The following ADAMTS18 variants were observed in gnomAD, a reference collection of about 807,000 sequenced individuals.
The protein encoded by ADAMTS18 is A disintegrin and metalloproteinase with thrombospondin motifs 18.
In ADAMTS18, 157 loss-of-function variants were observed where a neutral mutation model predicts 165.9. The observed-to-expected ratio is 0.95, with a 90% CI of 0.83 to 1.08. The LOEUF is 1.08. Ranked by LOEUF, ADAMTS18 falls within the 50% of genes least tolerant of loss-of-function variation. The pLI, the probability that ADAMTS18 is intolerant of heterozygous loss-of-function variation, is 0.00. For synonymous variants in ADAMTS18, 782 were observed against 578.2 expected (o/e 1.35, Z -5.06); for missense variants, 2,040 against 1,534.0 (o/e 1.33, Z -5.51).
chr16:77,416,017 GGAAGGCA>G (rs1260521748), intron 3 of ADAMTS18, among the ~76,000 whole-genome samples: 1 of 152,124 alleles, frequency 6.6e-6, no homozygotes, highest in Non-Finnish European at 1.5e-5. Flanking sequence ...TATTCAAGGT[GGAAGGCA>G]GAATATGCTA....
rs753006224 is a variant in ADAMTS18 at position 77,434,467 on chromosome 16, G to A, written c.129C>T (p.Ala43=). The change falls in exon 2 of 23, where the codon GCC becomes GCT. Residue 43 remains alanine, a synonymous_variant. Coordinates refer to ENST00000282849, the MANE Select transcript of ADAMTS18 (RefSeq NM_199355.4). ...TGCTGCTGTCACTGGCTAAGGCCGC[G>A]GCGACCGACGCACAGCAGAGGCAGC... ...QLCCLCCASV[A]AALASDSSSG... is the part of the protein sequence containing the mutation. 29 of 1,570,692 alleles carry A rather than the reference G, an allele frequency of 1.8e-5. No homozygotes were observed. The highest frequency in any genetic ancestry group is 2.3e-5 in the Non-Finnish European group (27 of 1,163,568).
intron 12 of ADAMTS18, among the ~76,000 whole-genome samples, chr16:77,334,643 T>C (rs1401185219): frequency 1.1e-3 from 123 of 113,584 alleles, no homozygotes; most frequent in African/African-American, 3.6e-3. Flanking sequence ...GTATATAGTG[T>C]ATATACACTA....
chr16:77,327,854 T>C lies in ADAMTS18; in HGVS notation c.1860-1816A>G, dbSNP rs190322692. Among the ~76,000 whole-genome samples the C allele has an allele frequency of 8.9e-4, 135 of 152,270 alleles. 1 individual carries two copies. Among genetic ancestry groups the C allele is most frequent in the African/African-American group, 2.2e-3 (90 of 41,550 alleles). On this transcript the variant is annotated intron_variant, in intron 12 of 22. Coordinates refer to ENST00000282849, the MANE Select transcript of ADAMTS18 (RefSeq NM_199355.4). Reference sequence around the variant, plus strand: ...CACACTTTGCCATGCACCTATTACATAGAACGTCAGCACACTGGGGAGAAG... The same window carrying C: ...CACACTTTGCCATGCACCTATTACACAGAACGTCAGCACACTGGGGAGAAG...
At chr16:77,313,665 G>C (rs747867976) in intron 16 of ADAMTS18, among the ~76,000 whole-genome samples, 3 of 152,140 alleles carry the variant, frequency 2.0e-5, no homozygotes, top group East Asian at 1.9e-4. Flanking sequence ...ACACGGCTGA[G>C]ACTGTCAGAT....
At chr16:77,362,012 T>C in intron 7 of ADAMTS18, 93 bp downstream of exon 7, 2 of 1,367,972 alleles carry the variant, frequency 1.5e-6, no homozygotes, top group Non-Finnish European at 2.1e-6. Flanking sequence ...GTCTGTTTAT[T>C]AAGGAACATA....
At chr16:77,403,748 G>C (rs138317290) in intron 3 of ADAMTS18, among the ~76,000 whole-genome samples, 5 of 152,242 alleles carry the variant, frequency 3.3e-5, no homozygotes, top group African/African-American at 1.2e-4. Context: ...GAGATGCTGG[G>C]AAAAATCAGA....
chr16:77,406,792 A>G (rs938889332), intron 3 of ADAMTS18, among the ~76,000 whole-genome samples: 5 of 152,028 alleles, frequency 3.3e-5, no homozygotes, highest in Non-Finnish European at 5.9e-5. Context: ...TTTTTTTTGC[A>G]GCAACATGAA....
At chr16:77,333,307 T>C (rs1339085249) in intron 12 of ADAMTS18, among the ~76,000 whole-genome samples, 1 of 151,940 alleles carries the variant, frequency 6.6e-6, no homozygotes, top group African/African-American at 2.4e-5. Context: ...GCCTGTCGCA[T>C]GGTGGGGAGC....
chr16:77,431,700 G>T, intron 2 of ADAMTS18, 89 bp from the exon 3 acceptor site: 1 of 1,346,160 alleles, frequency 7.4e-7, no homozygotes, highest in Non-Finnish European at 1.1e-6. Flanking sequence ...GCAACACAAA[G>T]CTCAAAGATA....
chr16:77,336,347 C>G (rs887834478), intron 11 of ADAMTS18, among the ~76,000 whole-genome samples: 1 of 152,156 alleles, frequency 6.6e-6, no homozygotes, highest in South Asian at 2.1e-4. Context: ...ATTGGGATCA[C>G]TCATTCATGA....
intron 3 of ADAMTS18, among the ~76,000 whole-genome samples, chr16:77,423,595 T>C (rs2057632238): frequency 6.6e-6 from 1 of 152,154 alleles, no homozygotes; most frequent in Non-Finnish European, 1.5e-5. Context: ...TAAAGAGTTT[T>C]CCCTGTGTTA....
At position 77,361,890 on chromosome 16, in the gene ADAMTS18, A is replaced by T. The variant is rs578030286; in HGVS notation, c.1216+215T>A. On this transcript the variant is annotated intron_variant, in intron 7 of 22. Coordinates refer to ENST00000282849, the MANE Select transcript of ADAMTS18 (RefSeq NM_199355.4). ...CAAGAGTGAAACTCCATCTCAAATTAAAAAAAATACAAAATGAATAAACTA... is the reference window on the plus strand; with the variant it reads ...CAAGAGTGAAACTCCATCTCAAATTTAAAAAAATACAAAATGAATAAACTA... Among the ~76,000 whole-genome samples, 24 of 33,714 alleles carry T rather than the reference A, an allele frequency of 7.1e-4. No homozygotes were observed. The South Asian group carries it at 0.015, about 21-fold the overall frequency. The allele number at this position is 33,714 out of a possible 152,430, so 22.1% of individuals were successfully genotyped here. A position where few individuals can be genotyped will look rare whatever the true frequency, so the allele number is the denominator to read the frequency against.
intron 13 of ADAMTS18, among the ~76,000 whole-genome samples, chr16:77,322,789 C>A (rs2056027091): frequency 6.6e-6 from 1 of 152,152 alleles, no homozygotes; most frequent in African/African-American, 2.4e-5. Context: ...GCCTGATGGT[C>A]AGCCACTGAC....
intron 3 of ADAMTS18, among the ~76,000 whole-genome samples, chr16:77,375,499 G>A (rs927225853): frequency 1.3e-5 from 2 of 152,190 alleles, no homozygotes; most frequent in African/African-American, 4.8e-5. Context: ...ACTTTTCTGA[G>A]GAGGCATTTC....
At position 77,289,305 on chromosome 16, in the gene ADAMTS18, C is replaced by G. The variant is rs775981977; in HGVS notation, c.3509G>C (p.Arg1170Pro). Residue 1170 changes from arginine to proline, a missense_variant, in exon 22 of 23, where the codon CGA (arginine) becomes CCA (proline). Arg to Pro is a moderately radical substitution (Grantham distance 103). Coordinates refer to ENST00000282849, the MANE Select transcript of ADAMTS18 (RefSeq NM_199355.4). Reference sequence around the variant, plus strand: ...TGGACAGAAGTTTGTATTACAGGCTCGTAGCACCGGAGGTTTCTGATGGAG... The same window carrying G: ...TGGACAGAAGTTTGTATTACAGGCTGGTAGCACCGGAGGTTTCTGATGGAG... ...CLLHQKPPVLRACNTNFCPAP... is the reference protein window; with the variant it reads ...CLLHQKPPVLPACNTNFCPAP... 2 of 1,614,122 alleles carry G rather than the reference C, an allele frequency of 1.2e-6. No individual in the cohort carries two copies. The highest frequency in any genetic ancestry group is 1.7e-6 in the Non-Finnish European group (2 of 1,180,004).
At chr16:77,431,795 G>A (rs962016469) in intron 2 of ADAMTS18, 184 bp from the exon 3 acceptor site, 17 of 658,454 alleles carry the variant, frequency 2.6e-5, no homozygotes, top group Middle Eastern at 4.1e-4. Flanking sequence ...CAACTAACTC[G>A]GCCACAGTCA....
At chr16:77,409,847 G>A (rs1206498144) in intron 3 of ADAMTS18, among the ~76,000 whole-genome samples, 2 of 152,054 alleles carry the variant, frequency 1.3e-5, no homozygotes, top group South Asian at 2.1e-4. Context: ...AATGTATAGA[G>A]ACGTTTATAA....
At chr16:77,385,174 G>A (rs149698955) in intron 3 of ADAMTS18, among the ~76,000 whole-genome samples, 5,911 of 152,234 alleles carry the variant, frequency 0.039, 162 homozygotes, top group Middle Eastern at 0.092. Flanking sequence ...CTCCCAAAGT[G>A]TTGGGATTAC....
At chr16:77,362,374 C>T (rs957501132) in intron 6 of ADAMTS18, 110 bp from the exon 7 acceptor site, 3 of 1,233,764 alleles carry the variant, frequency 2.4e-6, no homozygotes, top group East Asian at 2.4e-5. Flanking sequence ...GGAAAAAGAT[C>T]AGTAAACACT....
Sources: gnomAD v4.1 joint callset for allele counts (sites outside exome capture counted in the v4.1 genomes callset) on GRCh38, gnomAD v4.1.1 for gene constraint, MANE v1.5 for transcripts, NCBI Gene and HGNC (gene_info 2026-07-23, HGNC 2026-07-21) for gene names.